ART1: variants seen among roughly 807,000 people sequenced by gnomAD.
ART1 encodes GPI-linked NAD(P)(+)--arginine ADP-ribosyltransferase 1.
A neutral mutation model predicts 27.0 loss-of-function variants in ART1; 29 were observed. That is an observed-to-expected ratio of 1.08 (90% CI 0.80 to 1.47). The LOEUF (loss-of-function observed/expected upper bound fraction) is 1.47. Among genes scored for constraint, ART1 ranks in the 40% most tolerant of loss-of-function variants. ART1 has a pLI of 0.00. For synonymous variants in ART1, 201 were observed against 172.2 expected (o/e 1.17, Z -1.31); for missense variants, 480 against 423.0 (o/e 1.13, Z -1.18).
intron 2 of ART1, 57 bp downstream of exon 2, chr11:3,659,333 C>T: frequency 6.2e-7 from 1 of 1,608,904 alleles, no homozygotes; most frequent in African/African-American, 1.3e-5. Flanking sequence ...TCGGCTTCTT[C>T]TGAACCCTGG....
At chr11:3,663,048 C>CTCA (rs1223148193) in intron 4 of ART1, among the ~76,000 whole-genome samples, 2 of 118,946 alleles carry the variant, frequency 1.7e-5, no homozygotes, top group African/African-American at 3.6e-5. Context: ...CTCATCTCAT[C>CTCA]TCATCTCATC....
chr11:3,654,835 C>G (rs1033779454), intron 1 of ART1, among the ~76,000 whole-genome samples: 1 of 152,246 alleles, frequency 6.6e-6, no homozygotes, highest in African/African-American at 2.4e-5. Context: ...TTACTCAGGT[C>G]CACTAATTCC....
In ART1 at chr11:3,664,149, T is replaced by TC; in HGVS notation, c.945dup (p.Val316ArgfsTer29). 1 of 1,614,110 alleles carries TC rather than the reference T, an allele frequency of 6.2e-7. No individual in the cohort carries two copies. The highest frequency in any genetic ancestry group is 1.6e-4 in the Middle Eastern group (1 of 6,062). On this transcript the variant is annotated frameshift_variant, in exon 5 of 5. Transcript: ENST00000250693. LOFTEE classifies it low-confidence loss of function (END_TRUNC). The stretch of plus-strand genomic sequence containing the variant: ...TCTTTGCTGCTGCTGCTCTGGTTCC[T>TC]CGTGGTGAGGGCCTTTCCAGATGGT...
chr11:3,646,947 C>T (rs192940095), intron 1 of ART1, among the ~76,000 whole-genome samples: 22 of 152,288 alleles, frequency 1.4e-4, no homozygotes, highest in Middle Eastern at 3.4e-3. Context: ...GCACTGTGCA[C>T]TTAAACATGT....
chr11:3,655,114 G>C (rs893924542), intron 1 of ART1, among the ~76,000 whole-genome samples: 14 of 152,162 alleles, frequency 9.2e-5, no homozygotes, highest in South Asian at 6.2e-4. Context: ...TCAGGCCGCC[G>C]GTCTGGCTCA....
At chr11:3,646,301 G>T (rs1589914588) in intron 1 of ART1, among the ~76,000 whole-genome samples, 3 of 152,096 alleles carry the variant, frequency 2.0e-5, no homozygotes, top group African/African-American at 7.2e-5. Context: ...CTGAGCCAGG[G>T]CAGGGGGTGT....
intron 3 of ART1, 37 bp from the exon 4 acceptor site, chr11:3,661,335 C>G: frequency 6.2e-7 from 1 of 1,601,012 alleles, no homozygotes; most frequent in Middle Eastern, 1.7e-4. Flanking sequence ...CCTGACAGCT[C>G]CTGAGCCTTT....
At chr11:3,652,987 C>A (rs2077537343) in intron 1 of ART1, among the ~76,000 whole-genome samples, 1 of 148,022 alleles carries the variant, frequency 6.8e-6, no homozygotes, top group Admixed American at 6.6e-5. Context: ...CATATCCAGG[C>A]CATCACCAAT....
chr11:3,657,473 G>T (rs1033061431), intron 1 of ART1, among the ~76,000 whole-genome samples: 1 of 152,184 alleles, frequency 6.6e-6, no homozygotes, highest in South Asian at 2.1e-4. Flanking sequence ...TACTCGGGAG[G>T]CTGAGGCAGG....
intron 1 of ART1, among the ~76,000 whole-genome samples, chr11:3,649,034 C>A (rs192684998): frequency 6.6e-6 from 1 of 151,802 alleles, no homozygotes; most frequent in Admixed American, 6.6e-5. Context: ...GACCTCTTAT[C>A]TCTGCGCCCA....
At chr11:3,663,053 CTCATCTCATCTCATCTCATCTCA>C (rs1564786936) in intron 4 of ART1, among the ~76,000 whole-genome samples, 24 of 121,630 alleles carry the variant, frequency 2.0e-4, no homozygotes, top group African/African-American at 6.3e-4. Flanking sequence ...CTCATCTCAT[CTCATCTCATCTCATCTCATCTCA>C]TCATCTCATC....
Position 3,660,767 on chromosome 11 carries a change from G to A in ART1, c.844+404G>A, listed in dbSNP as rs1188619897. On this transcript the variant is annotated intron_variant, in intron 3 of 4. Transcript: ENST00000250693. The stretch of plus-strand genomic sequence containing the variant: ...AGTAGGAGTCCCACCCTCAGTTTCT[G>A]AGAACAGTGCATTTATGAGATGGAA... 4.6e-5 allele frequency among the ~76,000 whole-genome samples: 7 copies of A among 152,350 alleles called. No individual in the cohort carries two copies. The East Asian group carries it at 1.4e-3, about 29-fold the overall frequency.
rs375974005 is a variant in ART1 at position 3,661,418 on chromosome 11, G to C, written c.886+5G>C. 2 of 1,611,508 alleles carry C rather than the reference G, an allele frequency of 1.2e-6. No homozygotes were observed. The highest frequency in any genetic ancestry group is 1.7e-6 in the Non-Finnish European group (2 of 1,179,320). ...CTTGCCATCTGGATAATTCAGGTAA[G>C]GGCTGCAGGCACCTGTGGGACTCAG... On this transcript the variant is annotated splice_donor_5th_base_variant and intron_variant, in intron 4 of 4. Coordinates refer to ENST00000250693, the MANE Select transcript of ART1 (RefSeq NM_004314.3).
At chr11:3,649,652 T>A (rs530292776) in intron 1 of ART1, among the ~76,000 whole-genome samples, 3 of 152,332 alleles carry the variant, frequency 2.0e-5, no homozygotes, top group East Asian at 3.9e-4. Context: ...AATCTTTTTA[T>A]CACCTCCCCT....
chr11:3,655,075 C>T (rs547251636), intron 1 of ART1, among the ~76,000 whole-genome samples: 5 of 152,192 alleles, frequency 3.3e-5, no homozygotes, highest in African/African-American at 1.2e-4. Context: ...AGTGGCTTAT[C>T]TAAACTGGAC....
chr11:3,658,368 A>G (rs1055270160), intron 1 of ART1, among the ~76,000 whole-genome samples: 2 of 151,406 alleles, frequency 1.3e-5, no homozygotes, highest in African/African-American at 2.4e-5. Flanking sequence ...AAGAAAAAAA[A>G]GGAAACTGCC....
At chr11:3,655,881 C>T (rs1449043497) in intron 1 of ART1, among the ~76,000 whole-genome samples, 1 of 150,492 alleles carries the variant, frequency 6.6e-6, no homozygotes, top group Admixed American at 6.6e-5. Flanking sequence ...AACAGCAGCT[C>T]TAGCCTCCTT....
At chr11:3,646,606 C>T (rs1221238880) in intron 1 of ART1, among the ~76,000 whole-genome samples, 2 of 152,210 alleles carry the variant, frequency 1.3e-5, no homozygotes, top group African/African-American at 4.8e-5. Flanking sequence ...AGGAGTGCGG[C>T]TCCACCTGAC....
intron 1 of ART1, among the ~76,000 whole-genome samples, chr11:3,652,865 A>C (rs565510370): frequency 6.6e-6 from 1 of 150,414 alleles, no homozygotes; most frequent in African/African-American, 2.5e-5. Flanking sequence ...ACTATGTTGA[A>C]TCTCCTTAGG....
Sources: allele counts gnomAD v4.1 joint callset (sites outside exome capture counted in the v4.1 genomes callset), GRCh38; gene constraint gnomAD v4.1.1; transcripts MANE v1.5; gene names NCBI Gene and HGNC (gene_info 2026-07-23, HGNC 2026-07-21).